Variants in IGF1 observed in about 807,000 individuals in gnomAD.
The protein encoded by IGF1 is insulin-like growth factor 1.
Under a neutral mutation model 13.8 loss-of-function variants are expected in IGF1, and 4 were observed. That is an observed-to-expected ratio of 0.29 (90% CI 0.14 to 0.66). IGF1 has a LOEUF of 0.66. Ranked by LOEUF, IGF1 falls within the 30% of genes least tolerant of loss-of-function variation. The pLI is 0.78. For synonymous variants in IGF1, 76 were observed against 72.6 expected (o/e 1.05, Z -0.23); for missense variants, 124 against 188.5 (o/e 0.66, Z 2.00).
At chr12:102,460,899 GTGTGAAAACAA>G in intron 2 of IGF1, among the ~76,000 whole-genome samples, 1 of 152,300 alleles carries the variant, frequency 6.6e-6, no homozygotes, top group Admixed American at 6.5e-5. Context: ...AGTAAAAGAT[GTGTGAAAACAA>G]TGTGAAAACT....
intron 2 of IGF1, among the ~76,000 whole-genome samples, chr12:102,448,536 T>G (rs1878566715): frequency 2.4e-5 from 2 of 83,428 alleles, no homozygotes; most frequent in East Asian, 4.0e-4. Flanking sequence ...CTGGGGACTG[T>G]GGTGGGGTGG....
intron 1 of IGF1, chr12:102,478,634 A>G (rs1881219210): frequency 8.1e-6 from 12 of 1,472,772 alleles, no homozygotes; most frequent in Non-Finnish European, 1.1e-5. Context: ...TTACATTTGG[A>G]CACCCAGGCA....
chr12:102,415,963 G>C (rs189611016), intron 3 of IGF1, among the ~76,000 whole-genome samples: 64 of 152,280 alleles, frequency 4.2e-4, no homozygotes, highest in Non-Finnish European at 8.2e-4. Flanking sequence ...AGCAGCAGTG[G>C]CTTGGCTCCC....
chr12:102,456,264 G>A (rs956127231), intron 2 of IGF1, among the ~76,000 whole-genome samples: 3 of 139,074 alleles, frequency 2.2e-5, no homozygotes, highest in African/African-American at 8.2e-5. Flanking sequence ...GTGTGTGTGT[G>A]TGTATTGTCT....
At chr12:102,423,024 C>T (rs1049327443) in intron 2 of IGF1, 18 of 151,988 alleles carry the variant, frequency 1.2e-4, no homozygotes, top group African/African-American at 4.4e-4. Flanking sequence ...GCAGAAGATT[C>T]CTATGTTGAA....
rs1873491064 is a variant in IGF1, at chr12:102,399,307, G to A, written c.*3200C>T. 6.6e-6 allele frequency: 1 copy of A among 152,476 alleles called. No individual in the cohort carries two copies. Among genetic ancestry groups the A allele is most frequent in the South Asian group, 2.1e-4 (1 of 4,822 alleles). The allele number at this position is 152,476 out of a possible 1,614,324, so 9.4% of individuals were successfully genotyped here. On this transcript the variant is annotated 3_prime_UTR_variant, in exon 4 of 4. Coordinates refer to ENST00000337514, the MANE Select transcript of IGF1 (RefSeq NM_000618.5). The stretch of plus-strand genomic sequence containing the variant: ...AAGAGAGAACAGAAATTTGACCTAA[G>A]TATCCAGTATGGTCAATTAAATTGG...
chr12:102,470,573 T>C (rs891950892), intron 2 of IGF1, among the ~76,000 whole-genome samples: 8 of 152,162 alleles, frequency 5.3e-5, no homozygotes, highest in Non-Finnish European at 8.8e-5. Flanking sequence ...GCCAGGGTCA[T>C]AAGGTCAAAC....
At chr12:102,438,432 T>A (rs1877429651) in intron 2 of IGF1, among the ~76,000 whole-genome samples, 1 of 152,192 alleles carries the variant, frequency 6.6e-6, no homozygotes, top group Non-Finnish European at 1.5e-5. Context: ...CTGTAAACGT[T>A]ATCTTATTTT....
intron 2 of IGF1, among the ~76,000 whole-genome samples, chr12:102,457,837 A>C (rs1879543353): frequency 6.6e-6 from 1 of 152,188 alleles, no homozygotes; most frequent in Admixed American, 6.5e-5. Context: ...ATTGAAGGTA[A>C]CCTTAAGGCA....
intron 2 of IGF1, among the ~76,000 whole-genome samples, chr12:102,421,396 T>C (rs1875706967): frequency 6.6e-6 from 1 of 152,108 alleles, no homozygotes. Flanking sequence ...GAACTATAAA[T>C]TAGAGGAAAG....
chr12:102,412,530 C>A (rs1299021791), intron 3 of IGF1, among the ~76,000 whole-genome samples: 1 of 152,096 alleles, frequency 6.6e-6, no homozygotes, highest in African/African-American at 2.4e-5. Flanking sequence ...CTTGATGCAC[C>A]TTTAGCATTC....
intron 2 of IGF1, among the ~76,000 whole-genome samples, chr12:102,467,459 A>AAG (rs1880408479): frequency 6.6e-6 from 1 of 152,230 alleles, no homozygotes; most frequent in East Asian, 1.9e-4. Context: ...ATTCCAAAGC[A>AAG]TTTCTACCAA....
intron 2 of IGF1, among the ~76,000 whole-genome samples, chr12:102,456,894 A>G (rs2137180359): frequency 6.6e-6 from 1 of 152,272 alleles, no homozygotes; most frequent in East Asian, 1.9e-4. Flanking sequence ...CCCTCCCTCA[A>G]TTCTAACAAC....
intron 1 of IGF1, among the ~76,000 whole-genome samples, chr12:102,476,382 GT>G (rs1239008618): frequency 6.8e-6 from 1 of 147,126 alleles, no homozygotes; most frequent in East Asian, 2.0e-4. Flanking sequence ...TCATCACAGG[GT>G]TTTGTTTTTG....
chr12:102,445,545 A>C (rs986371579), intron 2 of IGF1, among the ~76,000 whole-genome samples: 1 of 152,016 alleles, frequency 6.6e-6, no homozygotes, highest in Non-Finnish European at 1.5e-5. Context: ...TTTGTCTGTT[A>C]TTGGTGTATA....
intron 3 of IGF1, among the ~76,000 whole-genome samples, chr12:102,413,247 G>A (rs1349703861): frequency 6.6e-6 from 1 of 152,150 alleles, no homozygotes; most frequent in Non-Finnish European, 1.5e-5. Flanking sequence ...GACTATCAAT[G>A]TTGCCCTTGG....
intron 2 of IGF1, among the ~76,000 whole-genome samples, chr12:102,447,151 G>C (rs1246314123): frequency 6.6e-6 from 1 of 152,152 alleles, no homozygotes; most frequent in Admixed American, 6.5e-5. Context: ...CCAATTATGT[G>C]GTCAATTTTA....
chr12:102,425,488 C>G (rs184217383), intron 2 of IGF1, among the ~76,000 whole-genome samples: 73 of 152,292 alleles, frequency 4.8e-4, no homozygotes, highest in African/African-American at 1.7e-3. Flanking sequence ...CCCCATAACC[C>G]AAAAGACCAA....
intron 2 of IGF1, among the ~76,000 whole-genome samples, chr12:102,454,482 C>A (rs1003443437): frequency 2.1e-4 from 32 of 152,196 alleles, no homozygotes; most frequent in Admixed American, 2.1e-3. Flanking sequence ...TACAGAGGAA[C>A]AAGATAAACA....
Sources: gnomAD v4.1 joint callset for allele counts (sites outside exome capture counted in the v4.1 genomes callset) on GRCh38, gnomAD v4.1.1 for gene constraint, MANE v1.5 for transcripts, NCBI Gene and HGNC (gene_info 2026-07-23, HGNC 2026-07-21) for gene names.